Variants in PUM1 observed in about 807,000 individuals in gnomAD.
PUM1 encodes the protein pumilio homolog 1.
Under a neutral mutation model 131.8 loss-of-function variants are expected in PUM1, and 13 were observed. That is an observed-to-expected ratio of 0.10 (90% confidence interval 0.06 to 0.16). The LOEUF is 0.16. Among genes scored for constraint, PUM1 ranks in the 10% least tolerant of loss-of-function variants. PUM1 has a pLI of 1.00. For missense variants in PUM1, 961 were observed against 1,512.4 expected (o/e 0.64, Z 6.05); for synonymous variants, 509 against 556.5 (o/e 0.91, Z 1.20).
intron 14 of PUM1, among the ~76,000 whole-genome samples, chr1:30,957,121 C>CACAT (rs894586907): frequency 6.7e-6 from 1 of 149,984 alleles, no homozygotes; most frequent in African/African-American, 2.4e-5. Context: ...CACACACACA[C>CACAT]ACAGCTTTTA....
chr1:31,011,789 G>A (rs1642626234), intron 3 of PUM1, among the ~76,000 whole-genome samples: 1 of 152,134 alleles, frequency 6.6e-6, no homozygotes, highest in African/African-American at 2.4e-5. Context: ...ATAAAGACTA[G>A]TTTTTTTGAC....
intron 2 of PUM1, among the ~76,000 whole-genome samples, chr1:31,039,806 G>A (rs1643761974): frequency 6.6e-6 from 1 of 152,084 alleles, no homozygotes; most frequent in Non-Finnish European, 1.5e-5. Flanking sequence ...GGCTGTGGCA[G>A]GATAATCGCT....
chr1:30,974,797 C>G lies in PUM1; in HGVS notation c.1360G>C (p.Ala454Pro), dbSNP rs757307992. 1 of 1,604,574 alleles carries G rather than the reference C, an allele frequency of 6.2e-7. No individual in the cohort carries two copies. The highest frequency in any genetic ancestry group is 8.5e-7 in the Non-Finnish European group (1 of 1,175,228). The stretch of plus-strand genomic sequence containing the variant: ...CCATAATACTGGTGAGGGACCACAG[C>G]TGGGCCTAAAAATAGCAAAAGAAAG... Reference protein sequence around the residue: ...GLAAAATLGPAVVPHQYYGVT... With the variant: ...GLAAAATLGPPVVPHQYYGVT... The change falls in exon 10 of 22, where the codon GCT becomes CCT. Residue 454 changes from alanine (A) to proline (P), a missense_variant. Physicochemically the swap from Ala to Pro is conservative, Grantham distance 27. This residue lies in a region of PUM1 where 654 missense variants were observed against 923.9 expected (regional missense o/e 0.71). Transcript: ENST00000426105.
intron 5 of PUM1, among the ~76,000 whole-genome samples, chr1:30,999,158 C>G (rs904501186): frequency 6.6e-6 from 1 of 152,078 alleles, no homozygotes; most frequent in Non-Finnish European, 1.5e-5. Context: ...ACACACCATG[C>G]CTGGCTGATT....
At chr1:30,957,085 C>CAT (rs1423949123) in intron 14 of PUM1, among the ~76,000 whole-genome samples, 9 of 129,824 alleles carry the variant, frequency 6.9e-5, no homozygotes, top group Admixed American at 2.4e-4. Context: ...CAAGGACATT[C>CAT]ATACACACAC....
intron 2 of PUM1, among the ~76,000 whole-genome samples, chr1:31,058,691 C>G (rs12039914): frequency 0.025 from 3,747 of 150,664 alleles, 171 homozygotes; most frequent in African/African-American, 0.085. Context: ...TTCTATAGGC[C>G]GGGCGTGGGT....
Position 30,932,848 on chromosome 1 carries a change from CT to C in PUM1, c.*362del, listed in dbSNP as rs979468170. On this transcript the variant is annotated 3_prime_UTR_variant, in exon 22 of 22. Coordinates refer to ENST00000426105, the MANE Select transcript of PUM1 (RefSeq NM_001020658.2). The stretch of plus-strand genomic sequence containing the variant: ...TCCTTTTTTTCTTTTTTTTTTAAAG[CT>C]TTTTTTTTTTGTTAAACCAACCACC... 287 of 140,682 alleles carry C rather than the reference CT, an allele frequency of 2.0e-3. No individual in the cohort carries two copies. The highest frequency in any genetic ancestry group is 2.2e-3 in the East Asian group (11 of 4,926). The allele number at this position is 140,682 out of a possible 1,614,324, so 8.7% of individuals were successfully genotyped here.
intron 7 of PUM1, among the ~76,000 whole-genome samples, chr1:30,982,455 G>A (rs1641391538): frequency 6.6e-6 from 1 of 152,246 alleles, no homozygotes; most frequent in Non-Finnish European, 1.5e-5. Context: ...CTTCCAAGGA[G>A]TCATACTGAA....
rs1447257545 is a variant in PUM1 at position 30,936,736 on chromosome 1, T to C, written c.3342A>G (p.Leu1114=). Reference sequence around the variant, plus strand: ...CATACTGGTCCTTCATCATGGTGTATAAGGCACTGTGGGGACCGTCGTTCA... The same window carrying C: ...CATACTGGTCCTTCATCATGGTGTACAAGGCACTGTGGGGACCGTCGTTCA... The part of the protein sequence containing the change: ...CTMNDGPHSA[L]YTMMKDQYAN... Residue 1114 remains leucine (L), a synonymous_variant, in exon 21 of 22, where the codon TTA becomes TTG. Coordinates refer to ENST00000426105, the MANE Select transcript of PUM1 (RefSeq NM_001020658.2). 1.2e-6 allele frequency: 2 copies of C among 1,614,074 alleles called. No homozygotes were observed. Among genetic ancestry groups the C allele is most frequent in the Non-Finnish European group, 1.7e-6 (2 of 1,179,960 alleles).
rs1640464190 is a variant in PUM1 at position 30,962,621 on chromosome 1, A to G, written c.2323+2053T>C. On this transcript the variant is annotated intron_variant, in intron 14 of 21. Coordinates refer to ENST00000426105, the MANE Select transcript of PUM1 (RefSeq NM_001020658.2). ...GAGGCGGGGCTTCACTATGTTGGCC[A>G]GACTGGTCTTGAACTCCTGACCTCA... Among the ~76,000 whole-genome samples, 4 of 152,260 alleles carry G rather than the reference A, an allele frequency of 2.6e-5. No individual in the cohort carries two copies. The South Asian group carries it at 6.2e-4, about 24-fold the overall frequency.
chr1:30,992,281 G>T, intron 7 of PUM1, 109 bp downstream of exon 7: 1 of 1,411,600 alleles, frequency 7.1e-7, no homozygotes, highest in Non-Finnish European at 9.7e-7. Context: ...GCTAGCTATG[G>T]ATAGCCTGAA....
rs752029819 is a variant in PUM1, at chr1:31,007,083, T to C, written c.452A>G (p.Lys151Arg). The C allele has an allele frequency of 6.2e-6, 10 of 1,613,690 alleles. No homozygotes were observed. In the East Asian group the frequency reaches 2.2e-4, roughly 36 times the overall value. Residue 151 changes from lysine (K) to arginine (R), a missense_variant, in exon 4 of 22, where the codon AAG becomes AGG. By Grantham distance (26) the Lys-to-Arg change is conservative (BLOSUM62 2). Transcript: ENST00000426105. ...GCTGGATTCATCTGTTTCCCAAAAC[T>C]TTTTACCTGGCAAGAGCTGCTGCAA... ...AMGEQLLPGK[K>R]FWETDESSKD...
intron 18 of PUM1, 59 bp from the exon 19 acceptor site, chr1:30,942,182 C>A: frequency 1.1e-5 from 9 of 785,462 alleles, no homozygotes; most frequent in Non-Finnish European, 1.1e-5. Flanking sequence ...TTCAATGCTT[C>A]AGTATTGTTT....
intron 2 of PUM1, among the ~76,000 whole-genome samples, chr1:31,055,786 A>G (rs1158078091): frequency 6.6e-6 from 1 of 152,194 alleles, no homozygotes. Context: ...TAACTTGCAC[A>G]GCAATAATCA....
chr1:30,964,278 T>C (rs1410243348), intron 14 of PUM1, among the ~76,000 whole-genome samples: 6 of 152,128 alleles, frequency 3.9e-5, no homozygotes, highest in Admixed American at 6.5e-5. Context: ...GAGGGGAAAT[T>C]TTGAAAGGAA....
chr1:30,963,394 A>G (rs1640497193), intron 14 of PUM1, among the ~76,000 whole-genome samples: 1 of 152,212 alleles, frequency 6.6e-6, no homozygotes, highest in South Asian at 2.1e-4. Flanking sequence ...TAACTTTTAT[A>G]AAGTGATGTT....
rs1346796490 is a variant in PUM1, at chr1:30,972,710, G to A, written c.1506+1941C>T. ...AATCACTTGAACCCAGGAGGCAGAG[G>A]TTGCAGCGAGCCAAGAGCTCACTGC... On this transcript the variant is annotated intron_variant, in intron 10 of 21. Coordinates refer to ENST00000426105, the MANE Select transcript of PUM1 (RefSeq NM_001020658.2). 6.6e-5 allele frequency among the ~76,000 whole-genome samples: 10 copies of A among 151,360 alleles called. No individual in the cohort carries two copies. In the East Asian group the frequency reaches 2.0e-3, roughly 30 times the overall value.
At chr1:31,018,150 G>T (rs1642890019) in intron 3 of PUM1, among the ~76,000 whole-genome samples, 1 of 151,822 alleles carries the variant, frequency 6.6e-6, no homozygotes. Context: ...AGGAGTTCAA[G>T]ACCAGCCTGG....
chr1:30,975,761 A>AAATAC (rs1302610850), intron 9 of PUM1, among the ~76,000 whole-genome samples: 1 of 152,026 alleles, frequency 6.6e-6, no homozygotes, highest in Non-Finnish European at 1.5e-5. Context: ...TAGAAACAAA[A>AAATAC]AATACAACAC....
Sources: allele counts gnomAD v4.1 joint callset (sites outside exome capture counted in the v4.1 genomes callset), GRCh38; gene constraint gnomAD v4.1.1; regional missense constraint gnomAD v4.1.1; transcripts MANE v1.5; gene names NCBI Gene and HGNC (gene_info 2026-07-23, HGNC 2026-07-21).